The following RBFOX1 variants were observed in gnomAD, a reference collection of about 807,000 sequenced individuals.
RBFOX1 encodes the protein RNA binding protein fox-1 homolog 1.
Under a neutral mutation model 57.7 loss-of-function variants are expected in RBFOX1, and 8 were observed. The ratio of observed to expected loss-of-function variants is 0.14; its 90% CI spans 0.08 to 0.25. RBFOX1 has a LOEUF of 0.25. RBFOX1 is among the 10% of genes least tolerant of loss of function. The pLI is 1.00. For synonymous variants in RBFOX1, 326 were observed against 222.4 expected, an observed-to-expected ratio of 1.47 and a Z score of -4.15; for missense variants, 611 against 548.5, an observed-to-expected ratio of 1.11 and a Z score of -1.14.
At chr16:5,807,300 G>T (rs977317639) in intron 3 of RBFOX1, among the ~76,000 whole-genome samples, 2 of 152,072 alleles carry the variant, frequency 1.3e-5, no homozygotes, top group Non-Finnish European at 2.9e-5. Context: ...TCAGTTTGAG[G>T]CTCCAACCAC....
At chr16:5,953,307 T>C (rs993609286) in intron 4 of RBFOX1, among the ~76,000 whole-genome samples, 1 of 152,216 alleles carries the variant, frequency 6.6e-6, no homozygotes, top group Non-Finnish European at 1.5e-5. Context: ...GTGTTGTAAA[T>C]ATTGCATGGG....
intron 3 of RBFOX1, among the ~76,000 whole-genome samples, chr16:6,873,594 C>T (rs775060006): frequency 6.6e-6 from 1 of 152,060 alleles, no homozygotes; most frequent in Non-Finnish European, 1.5e-5. Context: ...AAACATATTA[C>T]ACGTCTAGTT....
chr16:6,823,579 G>T (rs755225036), intron 3 of RBFOX1, among the ~76,000 whole-genome samples: 1 of 152,006 alleles, frequency 6.6e-6, no homozygotes, highest in Non-Finnish European at 1.5e-5. Flanking sequence ...TCTTATAAGG[G>T]AGTATATTAT....
intron 3 of RBFOX1, among the ~76,000 whole-genome samples, chr16:6,655,856 C>T (rs2098647048): frequency 6.6e-6 from 1 of 152,154 alleles, no homozygotes; most frequent in South Asian, 2.1e-4. Flanking sequence ...ATGACTGGGG[C>T]ATGTCTGCTG....
intron 3 of RBFOX1, among the ~76,000 whole-genome samples, chr16:7,042,405 AT>A: frequency 6.6e-6 from 1 of 152,190 alleles, no homozygotes; most frequent in Non-Finnish European, 1.5e-5. Flanking sequence ...TCCCTCTTGA[AT>A]ATTTCCTATC....
chr16:6,749,921 A>T (rs1463325954), intron 3 of RBFOX1, among the ~76,000 whole-genome samples: 1 of 152,204 alleles, frequency 6.6e-6, no homozygotes, highest in Non-Finnish European at 1.5e-5. Flanking sequence ...AATAAGGGCC[A>T]AGCTGACTGT....
chr16:7,604,623 T>C (rs1319046019), intron 9 of RBFOX1, among the ~76,000 whole-genome samples: 2 of 152,146 alleles, frequency 1.3e-5, no homozygotes, highest in East Asian at 1.9e-4. Flanking sequence ...CGTTTATAGA[T>C]AGATCAGTAG....
At chr16:6,396,759 T>G (rs2092852552) in intron 2 of RBFOX1, among the ~76,000 whole-genome samples, 1 of 152,136 alleles carries the variant, frequency 6.6e-6, no homozygotes, top group South Asian at 2.1e-4. Flanking sequence ...AGAGAAACAT[T>G]ACTCATAGTC....
intron 1 of RBFOX1, among the ~76,000 whole-genome samples, chr16:6,253,675 ATGTG>A (rs377653141): frequency 5.0e-4 from 73 of 144,990 alleles, no homozygotes; most frequent in South Asian, 1.4e-3. Context: ...GTGTGTGTGC[ATGTG>A]TGTGTGTGTG....
chr16:5,344,281 T>C (rs2065094180), intron 1 of RBFOX1, among the ~76,000 whole-genome samples: 1 of 152,192 alleles, frequency 6.6e-6, no homozygotes, highest in South Asian at 2.1e-4. Flanking sequence ...TGCTAAACCA[T>C]GTGGTCCCAG....
chr16:6,824,986 T>TTTTTTTTTTTTTTTTTTTTG (rs2091927953), intron 3 of RBFOX1, among the ~76,000 whole-genome samples: 1 of 58,754 alleles, frequency 1.7e-5, no homozygotes, highest in African/African-American at 1.6e-4. Flanking sequence ...TTTCTTGGTT[T>TTTTTTTTTTTTTTTTTTTTG]TTTTTTTTTT....
At chr16:6,909,246 C>T (rs1271700940) in intron 3 of RBFOX1, among the ~76,000 whole-genome samples, 3 of 152,136 alleles carry the variant, frequency 2.0e-5, no homozygotes, top group African/African-American at 7.2e-5. Flanking sequence ...GGCTCATGGC[C>T]CTTTTCATCT....
At chr16:5,789,545 C>T (rs767311149) in intron 3 of RBFOX1, among the ~76,000 whole-genome samples, 8 of 152,124 alleles carry the variant, frequency 5.3e-5, no homozygotes, top group Non-Finnish European at 8.8e-5. Flanking sequence ...TCATCATCAT[C>T]GTCATCATCA....
chr16:5,314,512 C>A (rs918590994), intron 1 of RBFOX1, among the ~76,000 whole-genome samples: 9 of 152,006 alleles, frequency 5.9e-5, no homozygotes, highest in African/African-American at 1.9e-4. Flanking sequence ...CTCATTTTTT[C>A]TTTTTTGAGA....
intron 4 of RBFOX1, among the ~76,000 whole-genome samples, chr16:7,368,506 C>G (rs1265716373): frequency 2.0e-5 from 3 of 151,880 alleles, no homozygotes; most frequent in African/African-American, 7.3e-5. Flanking sequence ...GAGCCGGGAA[C>G]AGTGGCTCAC....
At chr16:6,673,697 C>T (rs1304329395) in intron 3 of RBFOX1, among the ~76,000 whole-genome samples, 3 of 152,136 alleles carry the variant, frequency 2.0e-5, no homozygotes, top group Admixed American at 6.6e-5. Flanking sequence ...GGTTCTGTGA[C>T]CCATGTGCCT....
chr16:7,481,868 A>G (rs1202016209), intron 4 of RBFOX1, among the ~76,000 whole-genome samples: 4 of 152,256 alleles, frequency 2.6e-5, no homozygotes, highest in Non-Finnish European at 5.9e-5. Flanking sequence ...TTGGCAAACC[A>G]TCTAACACAG....
At chr16:5,919,047 G>T (rs1345601201) in intron 4 of RBFOX1, among the ~76,000 whole-genome samples, 1 of 152,158 alleles carries the variant, frequency 6.6e-6, no homozygotes, top group South Asian at 2.1e-4. Context: ...ATATATCCAC[G>T]TCTTTCCCAG....
chr16:5,424,017 A>C (rs1156506509), intron 1 of RBFOX1, among the ~76,000 whole-genome samples: 1 of 152,176 alleles, frequency 6.6e-6, no homozygotes, highest in Non-Finnish European at 1.5e-5. Context: ...AAGAAGGAGA[A>C]ATCAACCAAC....
Sources: gnomAD v4.1 joint callset for allele counts (sites outside exome capture counted in the v4.1 genomes callset) on GRCh38, gnomAD v4.1.1 for gene constraint, MANE v1.5 for transcripts, NCBI Gene and HGNC (gene_info 2026-07-23, HGNC 2026-07-21) for gene names.